CNOT2: variants seen among roughly 807,000 people sequenced by gnomAD.
The protein encoded by CNOT2 is CCR4-NOT transcription complex subunit 2, also known as CC chemokine receptor 4-negative regulator of transcription 2.
Under a neutral mutation model 72.1 loss-of-function variants are expected in CNOT2, and 7 were observed. That is an observed-to-expected ratio of 0.10 (90% CI 0.06 to 0.18). CNOT2 has a LOEUF of 0.18. Among genes scored for constraint, CNOT2 ranks in the 10% least tolerant of loss-of-function variants. The pLI, the probability that CNOT2 is intolerant of heterozygous loss-of-function variation, is 1.00. For synonymous variants in CNOT2, 196 were observed against 225.6 expected (o/e 0.87, Z 1.17); for missense variants, 345 against 660.3 (o/e 0.52, Z 5.23).
chr12:70,316,421 C>T (rs1307892612), intron 3 of CNOT2, among the ~76,000 whole-genome samples: 1 of 152,012 alleles, frequency 6.6e-6, no homozygotes, highest in Non-Finnish European at 1.5e-5. Context: ...GTATTAAATC[C>T]ATTTTTAGCA....
At position 70,335,516 on chromosome 12, in the gene CNOT2, G is replaced by A; in HGVS notation, c.728G>A (p.Gly243Asp). 6.2e-7 allele frequency: 1 copy of A among 1,609,044 alleles called. No individual in the cohort carries two copies. The highest frequency in any genetic ancestry group is 8.5e-7 in the Non-Finnish European group (1 of 1,175,708). ...LADRNRREGS[G>D]NPTPLINPLA... ...GACCGAAACAGGAGGGAAGGAAGTG[G>A]TAACCCAACTCCATTAATAAACCCC... Residue 243 changes from glycine (G) to aspartate (D), a missense_variant, in exon 8 of 16, where the codon GGT (glycine) becomes GAT (aspartate). Gly to Asp is a moderately conservative substitution (Grantham distance 94). This residue lies in a region of CNOT2 where 128 missense variants were observed against 233.0 expected (regional missense o/e 0.55). Coordinates refer to ENST00000229195, the MANE Select transcript of CNOT2 (RefSeq NM_014515.7).
chr12:70,300,936 A>G (rs372990846), intron 2 of CNOT2, among the ~76,000 whole-genome samples: 105 of 152,240 alleles, frequency 6.9e-4, no homozygotes, highest in Non-Finnish European at 9.0e-4. Flanking sequence ...GGTCCTTCAC[A>G]TCCCTTGTAA....
chr12:70,247,526 G>A (rs1209654592), intron 1 of CNOT2, among the ~76,000 whole-genome samples: 2 of 152,112 alleles, frequency 1.3e-5, no homozygotes, highest in Non-Finnish European at 2.9e-5. Context: ...CATATTTTAT[G>A]TATCTTTCAC....
At chr12:70,347,126 T>G (rs1367191764) in intron 15 of CNOT2, among the ~76,000 whole-genome samples, 3 of 152,182 alleles carry the variant, frequency 2.0e-5, no homozygotes, top group African/African-American at 7.2e-5. Flanking sequence ...AAGAGTTAAA[T>G]TTGTTTGTTT....
chr12:70,334,568 C>T (rs947843817), intron 7 of CNOT2: 3 of 151,828 alleles, frequency 2.0e-5, no homozygotes, highest in South Asian at 4.1e-4. Context: ...AAAGCTATAG[C>T]GCAGGCTAAA....
intron 3 of CNOT2, among the ~76,000 whole-genome samples, chr12:70,312,644 T>A (rs1396622152): frequency 6.6e-6 from 1 of 151,922 alleles, no homozygotes; most frequent in African/African-American, 2.4e-5. Flanking sequence ...AAAAAAACAT[T>A]AATTAAGAAC....
At chr12:70,250,385 C>T (rs1169687764) in intron 1 of CNOT2, among the ~76,000 whole-genome samples, 1 of 152,036 alleles carries the variant, frequency 6.6e-6, no homozygotes, top group African/African-American at 2.4e-5. Context: ...AGTTGAGGCT[C>T]TGCTGGTTAT....
intron 7 of CNOT2, among the ~76,000 whole-genome samples, chr12:70,333,979 A>G (rs1038173824): frequency 6.6e-6 from 1 of 152,018 alleles, no homozygotes; most frequent in Non-Finnish European, 1.5e-5. Context: ...GGTTTTATAC[A>G]GTGCTATAAA....
At chr12:70,301,734 T>C (rs940416940) in intron 2 of CNOT2, 1 of 152,230 alleles carries the variant, frequency 6.6e-6, no homozygotes, top group Non-Finnish European at 1.5e-5. Flanking sequence ...GCTGGCCTCA[T>C]AAAATGAATT....
intron 2 of CNOT2, among the ~76,000 whole-genome samples, chr12:70,293,195 T>C (rs1348599960): frequency 6.6e-6 from 1 of 151,348 alleles, no homozygotes; most frequent in East Asian, 1.9e-4. Context: ...AGTTTTGCTC[T>C]TATCACCCAG....
At chr12:70,286,448 AC>A (rs1269222157) in intron 2 of CNOT2, among the ~76,000 whole-genome samples, 1 of 149,934 alleles carries the variant, frequency 6.7e-6, no homozygotes, top group Non-Finnish European at 1.5e-5. Flanking sequence ...TGTTAGAAGT[AC>A]AGTTTCCTTT....
intron 11 of CNOT2, 95 bp from the exon 12 acceptor site, chr12:70,342,012 G>A: frequency 1.2e-6 from 1 of 818,566 alleles, no homozygotes; most frequent in East Asian, 2.4e-5. Context: ...AAGTAAAGAT[G>A]GTCATTTTAC....
intron 1 of CNOT2, among the ~76,000 whole-genome samples, chr12:70,260,372 G>A (rs1292047992): frequency 6.6e-6 from 1 of 151,860 alleles, no homozygotes; most frequent in Admixed American, 6.6e-5. Flanking sequence ...TTACACCTAA[G>A]TGTTTTATTC....
intron 6 of CNOT2, chr12:70,331,120 G>A (rs1382240130): frequency 6.6e-6 from 1 of 151,576 alleles, no homozygotes; most frequent in African/African-American, 2.4e-5. Context: ...TCTTGCAAAA[G>A]TAGTATTTAA....
intron 4 of CNOT2, among the ~76,000 whole-genome samples, chr12:70,325,523 T>C (rs1878951781): frequency 6.6e-6 from 1 of 151,920 alleles, no homozygotes; most frequent in African/African-American, 2.4e-5. Context: ...TCATTACTTG[T>C]GATCTTGAGC....
chr12:70,293,851 AT>A (rs1302150501), intron 2 of CNOT2, among the ~76,000 whole-genome samples: 1 of 149,360 alleles, frequency 6.7e-6, no homozygotes, highest in Non-Finnish European at 1.5e-5. Context: ...TGTTTTCATA[AT>A]GGCCAGGTAA....
chr12:70,279,405 T>C (rs1869427778), intron 2 of CNOT2, among the ~76,000 whole-genome samples: 1 of 152,218 alleles, frequency 6.6e-6, no homozygotes, highest in African/African-American at 2.4e-5. Flanking sequence ...ACTTGGTATC[T>C]AAAGTTTCTT....
At chr12:70,307,539 C>G (rs915709949) in intron 2 of CNOT2, among the ~76,000 whole-genome samples, 1 of 151,692 alleles carries the variant, frequency 6.6e-6, no homozygotes, top group Admixed American at 6.6e-5. Flanking sequence ...ACTGAAATGT[C>G]ATGCTGCACA....
At chr12:70,271,375 C>CTTTT (rs11285130) in intron 1 of CNOT2, among the ~76,000 whole-genome samples, 7 of 89,470 alleles carry the variant, frequency 7.8e-5, no homozygotes, top group Admixed American at 2.5e-4. Context: ...ATCACATTTC[C>CTTTT]TTTTTTTTTT....
Sources: gnomAD v4.1 joint callset for allele counts (sites outside exome capture counted in the v4.1 genomes callset) on GRCh38, gnomAD v4.1.1 for gene constraint, gnomAD v4.1.1 regional missense constraint, MANE v1.5 for transcripts, NCBI Gene and HGNC (gene_info 2026-07-23, HGNC 2026-07-21) for gene names.